The following USP28 variants were observed in gnomAD, a reference collection of about 807,000 sequenced individuals.
USP28 encodes the protein ubiquitin specific peptidase 28, also known as ubiquitin carboxyl-terminal hydrolase 28.
USP28 carries 113 observed loss-of-function variants against 145.0 expected under a neutral mutation model. That is an observed-to-expected ratio of 0.78 (90% CI 0.67 to 0.91). USP28 has a LOEUF of 0.91. Among genes scored for constraint, USP28 ranks in the 40% least tolerant of loss-of-function variants. The pLI is 0.00. For synonymous variants in USP28, 447 were observed against 450.9 expected (o/e 0.99, Z 0.11); for missense variants, 1,201 against 1,289.6 (o/e 0.93, Z 1.05).
At position 113,830,853 on chromosome 11, in the gene USP28, A is replaced by G. The variant is rs1943899412; in HGVS notation, c.910+14T>C. 5 of 1,611,592 alleles carry G rather than the reference A, an allele frequency of 3.1e-6. No individual in the cohort carries two copies. Among genetic ancestry groups the G allele is most frequent in the African/African-American group, 2.7e-5 (2 of 74,884 alleles). ...TCAAAGGTCTAGAATTAAAATTCAG[A>G]GCAGAGAATTTACCTTCACGAACCC... On this transcript the variant is annotated intron_variant, in intron 9 of 24. Coordinates refer to ENST00000003302, the Ensembl canonical transcript of USP28.
At chr11:113,863,796 T>C (rs966930487) in intron 1 of USP28, among the ~76,000 whole-genome samples, 2 of 149,266 alleles carry the variant, frequency 1.3e-5, no homozygotes, top group Admixed American at 1.3e-4. Context: ...ATACAAAAAA[T>C]TAGCCGGGCA....
chr11:113,870,457 G>A (rs1948704140), intron 1 of USP28, among the ~76,000 whole-genome samples: 1 of 152,238 alleles, frequency 6.6e-6, no homozygotes, highest in Non-Finnish European at 1.5e-5. Context: ...AGCCTAGGAG[G>A]TCAAGGCCAA....
intron 5 of USP28, among the ~76,000 whole-genome samples, chr11:113,837,341 T>G (rs906528384): frequency 6.6e-6 from 1 of 152,180 alleles, no homozygotes; most frequent in African/African-American, 2.4e-5. Context: ...CTCGCATGCA[T>G]CCAGTATGGA....
intron 2 of USP28, 118 bp from the exon 3 acceptor site, chr11:113,852,751 G>C: frequency 9.6e-6 from 11 of 1,146,530 alleles, no homozygotes; most frequent in South Asian, 1.5e-5. Flanking sequence ...TAATTCTAGG[G>C]TAGAATTATG....
exon 7 of USP28, chr11:113,833,474 C>G: frequency 2.5e-6 from 4 of 1,614,174 alleles, no homozygotes; most frequent in Non-Finnish European, 3.4e-6. Flanking sequence ...GGGCTGCAGA[C>G]GGGTCTACAA....
At chr11:113,807,183 C>T (rs958090511) in intron 18 of USP28, among the ~76,000 whole-genome samples, 2 of 152,072 alleles carry the variant, frequency 1.3e-5, no homozygotes, top group African/African-American at 4.8e-5. Context: ...AGCGGTTCTC[C>T]TGCCTCAGCC....
chr11:113,832,723 A>C (rs1944145449), intron 7 of USP28, among the ~76,000 whole-genome samples: 1 of 152,130 alleles, frequency 6.6e-6, no homozygotes, highest in Admixed American at 6.6e-5. Flanking sequence ...AAGAAAAAAA[A>C]TCATATGAGG....
chr11:113,843,140 G>A (rs1255287263), intron 3 of USP28, among the ~76,000 whole-genome samples: 1 of 152,158 alleles, frequency 6.6e-6, no homozygotes, highest in Non-Finnish European at 1.5e-5. Flanking sequence ...GCTGAGGCAG[G>A]AGAATCACTT....
exon 3 of USP28, chr11:113,852,513 C>T: frequency 3.7e-6 from 6 of 1,614,158 alleles, no homozygotes; most frequent in Non-Finnish European, 5.1e-6. Flanking sequence ...GCTAATACTT[C>T]CTTGTTGGCA....
In USP28 at chr11:113,817,906, G is replaced by T. The variant is rs532650408; in HGVS notation, c.1284-69C>A. ...TGTATTTTAAGAGTCGCTGACAAAA[G>T]ATCTGTTTATCACAGCAAGTCAATG... On this transcript the variant is annotated intron_variant, in intron 12 of 24. Transcript: ENST00000003302. 7.3e-5 allele frequency: 111 copies of T among 1,530,940 alleles called. 2 individuals carry two copies. The South Asian group carries it at 1.3e-3, about 18-fold the overall frequency. The allele number at this position is 1,530,940 out of a possible 1,614,324, so 94.8% of individuals were successfully genotyped here.
exon 14 of USP28, chr11:113,815,214 A>C: frequency 6.2e-7 from 1 of 1,614,188 alleles, no homozygotes; most frequent in Non-Finnish European, 8.5e-7. Flanking sequence ...ATCTCTGAAG[A>C]CAGGTCTTAA....
At chr11:113,803,850 G>T in exon 22 of USP28, 1 of 1,613,690 alleles carries the variant, frequency 6.2e-7, no homozygotes, top group East Asian at 2.2e-5. Context: ...GACACTTTTC[G>T]GAACAAACTA....
chr11:113,838,600 T>C (rs1328651498), intron 5 of USP28, among the ~76,000 whole-genome samples: 1 of 152,232 alleles, frequency 6.6e-6, no homozygotes, highest in Admixed American at 6.5e-5. Flanking sequence ...TGTAATTAAA[T>C]AGCACATTCC....
chr11:113,869,285 T>C (rs929436473), intron 1 of USP28, among the ~76,000 whole-genome samples: 4 of 151,850 alleles, frequency 2.6e-5, no homozygotes. Flanking sequence ...ATACAAAAAT[T>C]AGGCGTGGTG....
At chr11:113,805,686 T>A (rs1410692620) in intron 19 of USP28, among the ~76,000 whole-genome samples, 1 of 152,206 alleles carries the variant, frequency 6.6e-6, no homozygotes, top group East Asian at 1.9e-4. Context: ...CAAATGCAAT[T>A]TTACTCAAGT....
chr11:113,817,874 G>A, intron 12 of USP28, 37 bp from the exon 13 acceptor site: 3 of 1,601,130 alleles, frequency 1.9e-6, no homozygotes, highest in Non-Finnish European at 2.6e-6. Flanking sequence ...ACTGCCCAAG[G>A]CTGTTTTGTA....
chr11:113,867,794 AGAAG>A (rs1277081514), intron 1 of USP28, among the ~76,000 whole-genome samples: 1 of 133,874 alleles, frequency 7.5e-6, no homozygotes, highest in African/African-American at 2.7e-5. Context: ...ACAAAAGGAA[AGAAG>A]GAAGGGGGGA....
chr11:113,848,284 GT>G (rs1442676839), intron 3 of USP28, among the ~76,000 whole-genome samples: 2 of 152,276 alleles, frequency 1.3e-5, no homozygotes, highest in East Asian at 3.9e-4. Context: ...CTTCAAACAA[GT>G]TTCTTGCATT....
chr11:113,859,239 G>C (rs538724784), intron 1 of USP28: 1 of 152,174 alleles, frequency 6.6e-6, no homozygotes, highest in African/African-American at 2.4e-5. Flanking sequence ...GGCAGGCATT[G>C]CACACGTTAG....
Sources: gnomAD v4.1 joint callset for allele counts (sites outside exome capture counted in the v4.1 genomes callset) on GRCh38, gnomAD v4.1.1 for gene constraint, MANE v1.5 for transcripts, NCBI Gene and HGNC (gene_info 2026-07-23, HGNC 2026-07-21) for gene names.